Variants in GUCY2F observed in about 807,000 individuals in gnomAD.
GUCY2F encodes guanylate cyclase 2F, retinal, also known as retinal guanylyl cyclase 2.
Under a neutral mutation model 73.1 loss-of-function variants are expected in GUCY2F, and 61 were observed. The ratio of observed to expected loss-of-function variants is 0.83; its 90% CI spans 0.68 to 1.03. The LOEUF is 1.03. GUCY2F is among the 50% of genes least tolerant of loss of function. GUCY2F has a pLI of 0.00. For missense variants in GUCY2F, 912 were observed against 854.3 expected (o/e 1.07, Z -0.84); for synonymous variants, 331 against 307.8 (o/e 1.08, Z -0.79).
chrX:109,429,321 G>A (rs893139287), intron 8 of GUCY2F, among the ~76,000 whole-genome samples: 8 of 108,787 alleles, frequency 7.4e-5, no homozygotes, highest in Non-Finnish European at 1.5e-4. Context: ...TCTGAGGCAG[G>A]AGAATCGCCT....
rs1930680885 is a variant in GUCY2F, at chrX:109,395,373, G to A, written c.2392C>T (p.Gln798Ter). 1 of 1,208,183 alleles carries A rather than the reference G, an allele frequency of 8.3e-7. No homozygotes were observed. The highest frequency in any genetic ancestry group is 1.7e-5 in the African/African-American group (1 of 57,796). ...MKQCWAEAAE[Q>*]RPTFDEIFNQ... ...AATATTTCATCAAAAGTTGGTCGTT[G>A]TTCTGCAGCCTCAGCCCAGCACTGC... The change falls in exon 12 of 20, where the codon CAA becomes TAA. Residue 798 changes from glutamine (Q) to a stop codon, truncating the protein, a stop_gained. Transcript: ENST00000218006. LOFTEE classifies it high-confidence loss of function.
chrX:109,416,377 T>C (rs140898155), intron 8 of GUCY2F, among the ~76,000 whole-genome samples: 267 of 110,574 alleles, frequency 2.4e-3, no homozygotes, highest in African/African-American at 8.4e-3. Context: ...ATGAACCAAT[T>C]GGAAAGTATA....
intron 7 of GUCY2F, 90 bp downstream of exon 7, chrX:109,441,261 A>G (rs748028612): frequency 3.7e-6 from 2 of 539,076 alleles, no homozygotes; most frequent in Non-Finnish European, 5.6e-6. Context: ...CAAAAGCCCC[A>G]GTATTTTTAC....
chrX:109,403,118 G>A (rs1276044298), intron 10 of GUCY2F, among the ~76,000 whole-genome samples: 1 of 111,293 alleles, frequency 9.0e-6, no homozygotes, highest in African/African-American at 3.3e-5. Flanking sequence ...TGCAATATTG[G>A]TTAAAACATT....
intron 2 of GUCY2F, among the ~76,000 whole-genome samples, chrX:109,473,258 C>G (rs1292354155): frequency 8.9e-6 from 1 of 111,932 alleles, no homozygotes; most frequent in Non-Finnish European, 1.9e-5. Flanking sequence ...CCATAACCAT[C>G]CTCTCTGGGT....
intron 10 of GUCY2F, among the ~76,000 whole-genome samples, chrX:109,403,582 C>G (rs1047361379): frequency 9.0e-6 from 1 of 111,702 alleles, no homozygotes; most frequent in African/African-American, 3.3e-5. Flanking sequence ...CCATCACTTA[C>G]CAATCGGAGC....
rs1484725086 is a variant in GUCY2F at position 109,481,068 on chromosome X, A to G, written c.-86+798T>C. On this transcript the variant is annotated intron_variant, in intron 1 of 19. Transcript: ENST00000218006. ...GAAGGAAGGAAGGAAGGAAGGAAGG[A>G]AGGAAGGAAGGAAGGAAGGAAGGAA... Among the ~76,000 whole-genome samples the G allele has an allele frequency of 2.5e-4, 14 of 55,916 alleles. 3 individuals carry two copies. The highest frequency in any genetic ancestry group is 3.2e-3 in the South Asian group (2 of 623). 48.6% of individuals were successfully genotyped at this position (55,916 alleles called of 115,157 possible).
intron 8 of GUCY2F, among the ~76,000 whole-genome samples, chrX:109,414,990 T>G (rs1329978633): frequency 1.8e-5 from 2 of 111,106 alleles, no homozygotes; most frequent in Non-Finnish European, 3.8e-5. Flanking sequence ...TTTATTTATA[T>G]TAAAAATGAT....
intron 17 of GUCY2F, among the ~76,000 whole-genome samples, chrX:109,381,027 C>G (rs1466258879): frequency 8.9e-6 from 1 of 111,872 alleles, no homozygotes; most frequent in African/African-American, 3.2e-5. Context: ...GGGAAAGGAG[C>G]CTCTGTCCCC....
In GUCY2F at chrX:109,448,418, G is replaced by GAAGGCTC. The variant is rs772049137; in HGVS notation, c.1473-260_1473-254dup. Among the ~76,000 whole-genome samples the GAAGGCTC allele has an allele frequency of 1.6e-3, 181 of 111,926 alleles. 1 individual carries two copies. Among genetic ancestry groups the GAAGGCTC allele is most frequent in the African/African-American group, 5.1e-3 (158 of 30,829 alleles). ...TGAAGAGGCACCAAAAGAGAGGTGCGAAGGCTCTGCATGGGAATGGTATCT... is the reference window on the plus strand; with the variant it reads ...TGAAGAGGCACCAAAAGAGAGGTGCGAAGGCTCAAGGCTCTGCATGGGAATGGTATCT... On this transcript the variant is annotated intron_variant, in intron 5 of 19. Transcript: ENST00000218006.
chrX:109,403,065 T>C (rs1930885430), intron 10 of GUCY2F, among the ~76,000 whole-genome samples: 1 of 112,350 alleles, frequency 8.9e-6, no homozygotes, highest in African/African-American at 3.2e-5. Flanking sequence ...TTTGGGCTGT[T>C]TGCTTTTCTG....
At chrX:109,478,348 T>C (rs1932736556) in intron 1 of GUCY2F, among the ~76,000 whole-genome samples, 2 of 112,346 alleles carry the variant, frequency 1.8e-5, no homozygotes, top group Admixed American at 1.9e-4. Context: ...GAGCCACTCA[T>C]CTGGAGTAAT....
chrX:109,476,108 A>AG, intron 1 of GUCY2F, 87 bp from the exon 2 acceptor site: 1 of 437,452 alleles, frequency 2.3e-6, no homozygotes, highest in Non-Finnish European at 3.7e-6. Context: ...CAAAAAAAAA[A>AG]AAAAAATGGC....
At chrX:109,395,534 A>C in intron 11 of GUCY2F, 45 bp from the exon 12 acceptor site, 1 of 1,116,487 alleles carries the variant, frequency 9.0e-7, no homozygotes, top group Non-Finnish European at 1.2e-6. Context: ...CATGGAAAAA[A>C]TGACCAAGAT....
intron 12 of GUCY2F, 50 bp from the exon 13 acceptor site, chrX:109,393,105 C>CA (rs1930611031): frequency 7.3e-6 from 5 of 682,342 alleles, no homozygotes; most frequent in Non-Finnish European, 1.2e-5. Context: ...TCATCAAACT[C>CA]AGAGATGATG....
chrX:109,422,280 A>C (rs1931388336), intron 8 of GUCY2F, among the ~76,000 whole-genome samples: 1 of 111,938 alleles, frequency 8.9e-6, no homozygotes, highest in Non-Finnish European at 1.9e-5. Context: ...ATGCTAAGTT[A>C]AATGAGTGAG....
intron 15 of GUCY2F, among the ~76,000 whole-genome samples, chrX:109,385,577 C>T (rs1385424773): frequency 1.8e-5 from 2 of 111,723 alleles, no homozygotes; most frequent in Non-Finnish European, 3.8e-5. Flanking sequence ...CAAACCCAAA[C>T]CAGAAAGGCC....
chrX:109,399,426 C>T (rs1395753881), intron 10 of GUCY2F, among the ~76,000 whole-genome samples: 1 of 112,438 alleles, frequency 8.9e-6, no homozygotes, highest in Non-Finnish European at 1.9e-5. Flanking sequence ...AAGTTAAACA[C>T]CCATTGTGTG....
chrX:109,440,318 A>C (rs1052795140), intron 7 of GUCY2F, among the ~76,000 whole-genome samples: 1 of 111,645 alleles, frequency 9.0e-6, no homozygotes, highest in African/African-American at 3.3e-5. Context: ...TAAGGGTTTT[A>C]ATTCCATTGA....
Sources: allele counts gnomAD v4.1 joint callset (sites outside exome capture counted in the v4.1 genomes callset), GRCh38; gene constraint gnomAD v4.1.1; transcripts MANE v1.5; gene names NCBI Gene and HGNC (gene_info 2026-07-23, HGNC 2026-07-21).